Variants in PHF14 observed in about 807,000 individuals in gnomAD.
PHF14 encodes PHD finger protein 14.
Under a neutral mutation model 117.9 loss-of-function variants are expected in PHF14, and 55 were observed. The observed-to-expected ratio is 0.47, with a 90% CI of 0.38 to 0.58. The LOEUF (loss-of-function observed/expected upper bound fraction) is 0.58, where lower values mean the gene tolerates loss of function less well. PHF14 is among the 20% of genes least tolerant of loss of function. The pLI is 0.00. For synonymous variants in PHF14, 409 were observed against 368.6 expected, an observed-to-expected ratio of 1.11 and a Z score of -1.26; for missense variants, 978 against 1,122.2, an observed-to-expected ratio of 0.87 and a Z score of 1.84.
chr7:11,107,066 G>A (rs1787293021), intron 16 of PHF14: 1 of 983,824 alleles, frequency 1.0e-6, no homozygotes, highest in South Asian at 4.7e-5. Flanking sequence ...GCACTTAATT[G>A]TTTCAGTTAG....
intron 13 of PHF14, 122 bp from the exon 14 acceptor site, chr7:11,051,490 C>T (rs934427948): frequency 1.4e-6 from 1 of 735,870 alleles, no homozygotes; most frequent in Non-Finnish European, 2.1e-6. Flanking sequence ...CCTATAATCA[C>T]ATTACCTGTG....
intron 10 of PHF14, 39 bp from the exon 11 acceptor site, chr7:11,038,721 A>C: frequency 2.5e-6 from 2 of 805,556 alleles, no homozygotes; most frequent in South Asian, 3.8e-5. Context: ...AAATTGTCAG[A>C]TATTTTAATG....
chr7:11,161,196 T>C (rs1311647229), intron 17 of PHF14, among the ~76,000 whole-genome samples: 1 of 152,132 alleles, frequency 6.6e-6, no homozygotes. Flanking sequence ...AATGGCAGTA[T>C]AGAAGTTTGG....
chr7:11,168,621 G>C (rs1394373273), intron 17 of PHF14, among the ~76,000 whole-genome samples: 1 of 152,160 alleles, frequency 6.6e-6, no homozygotes, highest in East Asian at 1.9e-4. Flanking sequence ...CTTTATGTCA[G>C]TTAATAAAAA....
chr7:11,153,004 C>T (rs1562487980), intron 17 of PHF14, among the ~76,000 whole-genome samples: 1 of 152,166 alleles, frequency 6.6e-6, no homozygotes, highest in Non-Finnish European at 1.5e-5. Flanking sequence ...TGATGATGTA[C>T]TTTCTAGGTC....
chr7:11,024,683 C>G (rs527584425), intron 6 of PHF14, among the ~76,000 whole-genome samples: 18 of 152,334 alleles, frequency 1.2e-4, no homozygotes, highest in Middle Eastern at 3.4e-3. Flanking sequence ...GCATGGTTTA[C>G]TGGATATTTT....
At chr7:11,083,464 A>ATT (rs776573456) in intron 16 of PHF14, among the ~76,000 whole-genome samples, 37,918 of 112,156 alleles carry the variant, frequency 0.34, 7,100 homozygotes, top group East Asian at 0.67. Flanking sequence ...TGCTTTCCCT[A>ATT]TTTTTTTTTT....
chr7:11,050,928 A>G (rs1261489271), intron 13 of PHF14, among the ~76,000 whole-genome samples: 1 of 152,190 alleles, frequency 6.6e-6, no homozygotes, highest in Non-Finnish European at 1.5e-5. Context: ...ACTGACTACA[A>G]TTAAAAGATA....
intron 17 of PHF14, among the ~76,000 whole-genome samples, chr7:11,153,207 G>T (rs1269138161): frequency 1.3e-5 from 2 of 152,148 alleles, no homozygotes; most frequent in Non-Finnish European, 2.9e-5. Flanking sequence ...AAACATGATA[G>T]CTTGAATTAA....
At chr7:11,145,107 C>T (rs1263292015) in intron 17 of PHF14, among the ~76,000 whole-genome samples, 2 of 151,602 alleles carry the variant, frequency 1.3e-5, no homozygotes, top group African/African-American at 2.4e-5. Flanking sequence ...ATTTTTATGT[C>T]TATTTTATAC....
At chr7:11,042,928 G>A in intron 13 of PHF14, 114 bp downstream of exon 13, 2 of 706,070 alleles carry the variant, frequency 2.8e-6, no homozygotes. Context: ...TTTTAAAATT[G>A]ACTGTCATCA....
At position 10,980,782 on chromosome 7, in the gene PHF14, G is replaced by T. The variant is rs74920226; in HGVS notation, c.113-1590G>T. On this transcript the variant is annotated intron_variant, in intron 2 of 17. Transcript: ENST00000634607. ...TAGGATAATACCATGGACTTCACTGGGGGTATTAGTGTAATATATGGTGCA... is the reference window on the plus strand; with the variant it reads ...TAGGATAATACCATGGACTTCACTGTGGGTATTAGTGTAATATATGGTGCA... Among the ~76,000 whole-genome samples, 733 of 152,228 alleles carry T rather than the reference G, an allele frequency of 4.8e-3. 4 individuals are homozygous for T. The highest frequency in any genetic ancestry group is 0.017 in the African/African-American group (700 of 41,552).
At chr7:11,141,409 T>C (rs1788392737) in intron 17 of PHF14, among the ~76,000 whole-genome samples, 1 of 152,066 alleles carries the variant, frequency 6.6e-6, no homozygotes, top group African/African-American at 2.4e-5. Flanking sequence ...CTGTATAGTA[T>C]AGAATCTGGT....
intron 17 of PHF14, among the ~76,000 whole-genome samples, chr7:11,154,991 A>C (rs1433124940): frequency 2.0e-5 from 3 of 152,116 alleles, no homozygotes; most frequent in African/African-American, 7.2e-5. Flanking sequence ...ACTGTTTTTG[A>C]AGAGGATCCT....
chr7:11,047,137 C>T (rs1033656509), intron 13 of PHF14, among the ~76,000 whole-genome samples: 1 of 151,632 alleles, frequency 6.6e-6, no homozygotes, highest in African/African-American at 2.4e-5. Context: ...GGCACAATCG[C>T]AACTCACCGC....
intron 4 of PHF14, among the ~76,000 whole-genome samples, chr7:11,012,101 G>T (rs965941976): frequency 1.3e-5 from 2 of 152,180 alleles, no homozygotes; most frequent in Non-Finnish European, 2.9e-5. Context: ...AATGCTGACT[G>T]AGTTCACAGA....
intron 13 of PHF14, among the ~76,000 whole-genome samples, chr7:11,050,266 A>T (rs1008108435): frequency 2.0e-5 from 3 of 152,174 alleles, no homozygotes; most frequent in African/African-American, 7.2e-5. Context: ...GAGAATTATA[A>T]GCTACATTCA....
intron 16 of PHF14, among the ~76,000 whole-genome samples, chr7:11,080,063 G>A (rs181759853): frequency 1.2e-4 from 18 of 152,194 alleles, no homozygotes; most frequent in East Asian, 7.7e-4. Flanking sequence ...TTTTTACTAC[G>A]AATGAATGTC....
chr7:10,982,973 T>C lies in PHF14; in HGVS notation c.714T>C (p.Asp238=). 1 of 1,589,264 alleles carries C rather than the reference T, an allele frequency of 6.3e-7. No homozygotes were observed. Among genetic ancestry groups the C allele is most frequent in the South Asian group, 1.1e-5 (1 of 88,376 alleles). ...QKEGSDGDNE[D]DEDEGSGSDE... Reference sequence around the variant, plus strand: ...AGGGAAGTGATGGAGACAATGAGGATGATGAAGATGAGGGAAGCGGGAGTG... The same window carrying C: ...AGGGAAGTGATGGAGACAATGAGGACGATGAAGATGAGGGAAGCGGGAGTG... Residue 238 remains aspartate (D), a synonymous_variant, in exon 3 of 18, where the codon GAT becomes GAC. Coordinates refer to ENST00000634607, the MANE Select transcript of PHF14 (RefSeq NM_001007157.2).
Sources: gnomAD v4.1 joint callset for allele counts (sites outside exome capture counted in the v4.1 genomes callset) on GRCh38, gnomAD v4.1.1 for gene constraint, MANE v1.5 for transcripts, NCBI Gene and HGNC (gene_info 2026-07-23, HGNC 2026-07-21) for gene names.